The following IFIT3 variants were observed in gnomAD, a reference collection of about 807,000 sequenced individuals.
IFIT3 encodes the protein interferon induced protein with tetratricopeptide repeats 3, also known as interferon-induced protein with tetratricopeptide repeats 3.
Under a neutral mutation model 2.4 loss-of-function variants are expected in IFIT3, and 2 were observed. The ratio of observed to expected loss-of-function variants is 0.82; its 90% CI spans 0.34 to 2.60. The LOEUF (loss-of-function observed/expected upper bound fraction) is 2.60, where lower values mean the gene tolerates loss of function less well. Ranked by LOEUF, IFIT3 falls within the 30% of genes most tolerant of loss-of-function variation. The pLI is 0.11. For synonymous variants in IFIT3, 203 were observed against 212.1 expected (o/e 0.96, Z 0.37); for missense variants, 481 against 562.4 (o/e 0.86, Z 1.46).
In IFIT3 at chr10:89,339,358, G is replaced by A; in HGVS notation, c.703G>A (p.Glu235Lys). 6.2e-7 allele frequency: 1 copy of A among 1,613,766 alleles called. No homozygotes were observed. Among genetic ancestry groups the A allele is most frequent in the African/African-American group, 1.3e-5 (1 of 74,972 alleles). Reference sequence around the variant, plus strand: ...AGAGCAGTTTGTTGAAGAAGCCTTGGAAAAGTCTCCTTGCCAAACAGATGT... The same window carrying A: ...AGAGCAGTTTGTTGAAGAAGCCTTGAAAAAGTCTCCTTGCCAAACAGATGT... ...EGEQFVEEAL[E>K]KSPCQTDVLR... The change falls in exon 2 of 2, where the codon GAA becomes AAA. Residue 235 changes from glutamate (E) to lysine (K), a missense_variant. By Grantham distance (56) the Glu-to-Lys change is moderately conservative. Coordinates refer to ENST00000371818, the MANE Select transcript of IFIT3 (RefSeq NM_001549.6).
chr10:89,337,709 T>C (rs910950813), intron 1 of IFIT3, among the ~76,000 whole-genome samples: 4 of 152,206 alleles, frequency 2.6e-5, no homozygotes, highest in Admixed American at 2.6e-4. Flanking sequence ...GACTTGGTAA[T>C]TGAGCAGCGT....
At position 89,339,280 on chromosome 10, in the gene IFIT3, G is replaced by A. The variant is rs142127477; in HGVS notation, c.625G>A (p.Val209Ile). 9.4e-5 allele frequency: 151 copies of A among 1,614,012 alleles called. No homozygotes were observed. The highest frequency in any genetic ancestry group is 7.3e-4 in the East Asian group (33 of 44,898). Residue 209 changes from valine (V) to isoleucine (I), a missense_variant, in exon 2 of 2, where the codon GTC (valine) becomes ATC (isoleucine). Transcript: ENST00000371818. The part of the protein sequence containing the change: ...AIELSPDNQY[V>I]KVLLGLKLQK... ...TGAGCTGAGTCCTGATAACCAATAC[G>A]TCAAGGTTCTCTTGGGCCTGAAACT...
chr10:89,334,800 T>C (rs1451255161), intron 1 of IFIT3, among the ~76,000 whole-genome samples: 1 of 152,140 alleles, frequency 6.6e-6, no homozygotes, highest in Non-Finnish European at 1.5e-5. Context: ...CACCTAGCTG[T>C]TCTTTATCAA....
intron 1 of IFIT3, among the ~76,000 whole-genome samples, chr10:89,328,343 C>A (rs1247702384): frequency 1.3e-5 from 2 of 152,088 alleles, no homozygotes; most frequent in African/African-American, 4.8e-5. Context: ...GCTCATGTTT[C>A]CTCCCTGTGT....
chr10:89,339,997 G>T lies in IFIT3; in HGVS notation c.1342G>T (p.Asp448Tyr). ...GAAGGAACTGGGCCGCCTGCTAAGGGATGCCCCTTCAGGCATAGGCAGTAT... is the reference window on the plus strand; with the variant it reads ...GAAGGAACTGGGCCGCCTGCTAAGGTATGCCCCTTCAGGCATAGGCAGTAT... ...YEKELGRLLR[D>Y]APSGIGSIFL... is the part of the protein sequence containing the mutation. Residue 448 changes from aspartate (D) to tyrosine (Y), a missense_variant, in exon 2 of 2, where the codon GAT becomes TAT. Physicochemically the swap from Asp to Tyr is radical, Grantham distance 160. Coordinates refer to ENST00000371818, the MANE Select transcript of IFIT3 (RefSeq NM_001549.6). The T allele has an allele frequency of 1.9e-6, 3 of 1,614,218 alleles. No homozygotes were observed. The highest frequency in any genetic ancestry group is 2.5e-6 in the Non-Finnish European group (3 of 1,180,042).
chr10:89,337,417 T>C lies in IFIT3; in HGVS notation c.6-1244T>C, dbSNP rs545554035. Among the ~76,000 whole-genome samples, 7 of 152,308 alleles carry C rather than the reference T, an allele frequency of 4.6e-5. No individual in the cohort carries two copies. The East Asian group carries it at 1.3e-3, about 29-fold the overall frequency. ...TTTTTATTCTTACTTTTATTTTTTT[T>C]GAGGCAGGGTCCCACTCTATCACCC... On this transcript the variant is annotated intron_variant, in intron 1 of 1. Coordinates refer to ENST00000371818, the MANE Select transcript of IFIT3 (RefSeq NM_001549.6).
rs148418062 is a variant in IFIT3 at position 89,329,724 on chromosome 10, G to T, written c.5+1646G>T. 1.1e-4 allele frequency among the ~76,000 whole-genome samples: 17 copies of T among 152,252 alleles called. 1 individual carries two copies. The highest frequency in any genetic ancestry group is 7.4e-5 in the Non-Finnish European group (5 of 68,022). On this transcript the variant is annotated intron_variant, in intron 1 of 1. Transcript: ENST00000371818. ...TTATAACACAAATATATTAGTACCA[G>T]CAATCATGGTGGTAACATTTCTTTG...
chr10:89,338,553 A>G, intron 1 of IFIT3, 108 bp from the exon 2 acceptor site: 1 of 1,055,260 alleles, frequency 9.5e-7, no homozygotes, highest in Non-Finnish European at 1.4e-6. Context: ...GTTGGACCAA[A>G]TATCTGGGCA....
At chr10:89,332,282 G>A (rs1438322066) in intron 1 of IFIT3, among the ~76,000 whole-genome samples, 1 of 152,206 alleles carries the variant, frequency 6.6e-6, no homozygotes, top group African/African-American at 2.4e-5. Context: ...CAGTTTTCAG[G>A]GCTTAACTTT....
chr10:89,333,388 T>C (rs7091558), intron 1 of IFIT3, among the ~76,000 whole-genome samples: 11,006 of 152,242 alleles, frequency 0.072, 1,008 homozygotes, highest in African/African-American at 0.22. Context: ...AAGTACTTCA[T>C]AGGCATACTG....
At chr10:89,329,780 C>G (rs775946244) in intron 1 of IFIT3, among the ~76,000 whole-genome samples, 3 of 152,000 alleles carry the variant, frequency 2.0e-5, no homozygotes, top group Non-Finnish European at 1.5e-5. Context: ...CATGCAAGTC[C>G]GTGTGAAGAG....
intron 1 of IFIT3, chr10:89,335,239 G>A (rs1241016579): frequency 3.3e-5 from 5 of 152,162 alleles, no homozygotes; most frequent in East Asian, 1.9e-4. Flanking sequence ...CTATCTTCCT[G>A]AATAAATTGT....
chr10:89,332,349 C>A, intron 1 of IFIT3: 1 of 631,864 alleles, frequency 1.6e-6, no homozygotes, highest in Admixed American at 3.6e-5. Context: ...TTTTACAGTG[C>A]CTTTTTACAA....
chr10:89,328,208 G>A, intron 1 of IFIT3, 130 bp downstream of exon 1: 1 of 954,144 alleles, frequency 1.0e-6, no homozygotes, highest in Non-Finnish European at 1.6e-6. Context: ...ATCAGTCTGA[G>A]CATTTGTAAG....
chr10:89,338,435 A>C (rs894066881), intron 1 of IFIT3: 1 of 518,160 alleles, frequency 1.9e-6, no homozygotes, highest in Non-Finnish European at 3.4e-6. Flanking sequence ...CCTCAACAGA[A>C]TGGATAATGC....
rs1843799243 is a variant in IFIT3, at chr10:89,339,035, T to G, written c.380T>G (p.Phe127Cys). 3 of 1,614,124 alleles carry G rather than the reference T, an allele frequency of 1.9e-6. No homozygotes were observed. The highest frequency in any genetic ancestry group is 2.5e-6 in the Non-Finnish European group (3 of 1,180,016). Residue 127 changes from phenylalanine (F) to cysteine (C), a missense_variant, in exon 2 of 2, where the codon TTT becomes TGT. By Grantham distance (205) the Phe-to-Cys change is radical (BLOSUM62 -2). Coordinates refer to ENST00000371818, the MANE Select transcript of IFIT3 (RefSeq NM_001549.6). ...AAGGTGAAACAAACCTGCAAGAAAT[T>G]TTCAAATCCATACAGTATTGAGTAT... ...VDKVKQTCKK[F>C]SNPYSIEYSE...
intron 1 of IFIT3, chr10:89,332,556 A>C (rs1417777879): frequency 3.7e-6 from 6 of 1,613,762 alleles, no homozygotes; most frequent in Non-Finnish European, 5.1e-6. Context: ...ATTTGCTTGG[A>C]ATCAGTAAGC....
At chr10:89,338,609 G>T in intron 1 of IFIT3, 52 bp from the exon 2 acceptor site, 1 of 1,522,172 alleles carries the variant, frequency 6.6e-7, no homozygotes, top group Non-Finnish European at 8.9e-7. Flanking sequence ...TGATCACAGG[G>T]TGCAGTGCTT....
rs74830635 is a variant in IFIT3 at position 89,328,133 on chromosome 10, T to C, written c.5+55T>C. On this transcript the variant is annotated intron_variant, in intron 1 of 1. Coordinates refer to ENST00000371818, the MANE Select transcript of IFIT3 (RefSeq NM_001549.6). ...TTGTTTTTGAGTGCAAATTGTAAGT[T>C]GAGTTTCTTACTGTGCAGGCACATT... The C allele has an allele frequency of 9.3e-5, 146 of 1,566,414 alleles. 1 individual carries two copies. The African/African-American group carries it at 1.8e-3, about 20-fold the overall frequency.
Sources: gnomAD v4.1 joint callset for allele counts (sites outside exome capture counted in the v4.1 genomes callset) on GRCh38, gnomAD v4.1.1 for gene constraint, MANE v1.5 for transcripts, NCBI Gene and HGNC (gene_info 2026-07-23, HGNC 2026-07-21) for gene names.